Variants in RIT2 observed in about 807,000 individuals in gnomAD.
The protein encoded by RIT2 is Ras like without CAAX 2, also known as GTP-binding protein Rit2.
A neutral mutation model predicts 23.7 loss-of-function variants in RIT2; 24 were observed. That is an observed-to-expected ratio of 1.01 (90% CI 0.73 to 1.43). RIT2 has a LOEUF of 1.43. Among genes scored for constraint, RIT2 ranks in the 40% most tolerant of loss-of-function variants. RIT2 has a pLI of 0.00. For missense variants in RIT2, 236 were observed against 266.9 expected, an observed-to-expected ratio of 0.88 and a Z score of 0.81; for synonymous variants, 107 against 91.1, an observed-to-expected ratio of 1.17 and a Z score of -0.99.
At chr18:43,002,996 TA>T (rs1400180524) in intron 2 of RIT2, among the ~76,000 whole-genome samples, 4 of 151,796 alleles carry the variant, frequency 2.6e-5, no homozygotes, top group South Asian at 2.1e-4. Flanking sequence ...GCACTGAAGA[TA>T]GGGGGCAGGT....
At chr18:42,862,683 C>T (rs2144051487) in intron 4 of RIT2, among the ~76,000 whole-genome samples, 1 of 152,298 alleles carries the variant, frequency 6.6e-6, no homozygotes, top group South Asian at 2.1e-4. Context: ...ACATTTATTA[C>T]TAATGTATTT....
At chr18:42,792,182 ATTT>A (rs1188945791) in intron 4 of RIT2, among the ~76,000 whole-genome samples, 1 of 152,104 alleles carries the variant, frequency 6.6e-6, no homozygotes. Flanking sequence ...ATGTCTTGCA[ATTT>A]TTGTTTATTA....
intron 4 of RIT2, among the ~76,000 whole-genome samples, chr18:42,823,287 C>T (rs80215866): frequency 0.016 from 2,386 of 152,248 alleles, 72 homozygotes; most frequent in African/African-American, 0.055. Flanking sequence ...ATATTTCACA[C>T]ATTTGTTTCA....
At chr18:43,113,735 C>T (rs986954201) in intron 1 of RIT2, among the ~76,000 whole-genome samples, 2 of 152,154 alleles carry the variant, frequency 1.3e-5, no homozygotes, top group African/African-American at 2.4e-5. Context: ...AAATCAGTCA[C>T]TCTATCCCCA....
intron 4 of RIT2, among the ~76,000 whole-genome samples, chr18:42,806,105 A>G (rs1905676005): frequency 3.8e-5 from 1 of 26,586 alleles, no homozygotes. Flanking sequence ...AAATTAATAT[A>G]TATATATATA....
In RIT2 at chr18:43,020,592, C is replaced by T. The variant is rs117574994; in HGVS notation, c.160+13219G>A. Among the ~76,000 whole-genome samples the T allele has an allele frequency of 1.4e-3, 214 of 152,144 alleles. 1 individual carries two copies. The East Asian group carries it at 0.036, about 26-fold the overall frequency. ...AGCAAAACTGGAGGCATCACATTACCTGACTTCAACATATGTTGTAAGGCT... is the reference window on the plus strand; with the variant it reads ...AGCAAAACTGGAGGCATCACATTACTTGACTTCAACATATGTTGTAAGGCT... On this transcript the variant is annotated intron_variant, in intron 2 of 4. Coordinates refer to ENST00000326695, the MANE Select transcript of RIT2 (RefSeq NM_002930.4).
At chr18:42,956,398 C>A (rs1909971203) in intron 3 of RIT2, among the ~76,000 whole-genome samples, 1 of 152,094 alleles carries the variant, frequency 6.6e-6, no homozygotes, top group Non-Finnish European at 1.5e-5. Flanking sequence ...AATCTTTGAT[C>A]ACTTAGGCAT....
At chr18:42,952,696 ATAC>A (rs1397156841) in intron 3 of RIT2, among the ~76,000 whole-genome samples, 13 of 152,210 alleles carry the variant, frequency 8.5e-5, no homozygotes, top group East Asian at 5.8e-4. Flanking sequence ...AAAATAAATG[ATAC>A]TACAAGTAAA....
At chr18:42,774,747 G>A (rs1598648616) in intron 4 of RIT2, among the ~76,000 whole-genome samples, 1 of 151,398 alleles carries the variant, frequency 6.6e-6, no homozygotes, top group African/African-American at 2.4e-5. Flanking sequence ...ATATCTAAAT[G>A]TCTTTTATTC....
chr18:42,800,858 CTT>C (rs1905520373), intron 4 of RIT2, among the ~76,000 whole-genome samples: 1 of 152,094 alleles, frequency 6.6e-6, no homozygotes, highest in Non-Finnish European at 1.5e-5. Context: ...TCCAAACTCT[CTT>C]ATGTTTTCCC....
intron 4 of RIT2, among the ~76,000 whole-genome samples, chr18:42,907,608 C>T (rs1416833531): frequency 6.6e-6 from 1 of 151,952 alleles, no homozygotes; most frequent in Non-Finnish European, 1.5e-5. Context: ...TACCAAAAAC[C>T]AGAAAAAATC....
chr18:43,083,193 A>G (rs112906758), intron 1 of RIT2, among the ~76,000 whole-genome samples: 14,186 of 152,212 alleles, frequency 0.093, 1,053 homozygotes, highest in East Asian at 0.36. Context: ...GACTTCTTCA[A>G]GGAGAACTAC....
At chr18:42,832,621 G>C (rs1395094062) in intron 4 of RIT2, among the ~76,000 whole-genome samples, 2 of 152,178 alleles carry the variant, frequency 1.3e-5, no homozygotes, top group Non-Finnish European at 2.9e-5. Context: ...GACCAAATCA[G>C]AGTAGGATAT....
At chr18:42,926,648 A>C (rs972454768) in intron 3 of RIT2, among the ~76,000 whole-genome samples, 6 of 151,978 alleles carry the variant, frequency 3.9e-5, no homozygotes, top group Non-Finnish European at 8.8e-5. Context: ...AATAAATAAA[A>C]GTCCAACAGT....
intron 4 of RIT2, among the ~76,000 whole-genome samples, chr18:42,792,797 A>C (rs1914072699): frequency 6.6e-6 from 1 of 152,202 alleles, no homozygotes. Context: ...TGTAAAATAA[A>C]TACAAATGCA....
At chr18:43,029,886 T>C (rs1039944658) in intron 2 of RIT2, among the ~76,000 whole-genome samples, 1 of 152,008 alleles carries the variant, frequency 6.6e-6, no homozygotes, top group African/African-American at 2.4e-5. Flanking sequence ...TTAACAAACA[T>C]AGAGAATTTT....
At chr18:43,021,124 C>G (rs1358542363) in intron 2 of RIT2, among the ~76,000 whole-genome samples, 1 of 151,892 alleles carries the variant, frequency 6.6e-6, no homozygotes, top group Non-Finnish European at 1.5e-5. Context: ...CTGACAAGGC[C>G]TAATATCCAG....
At chr18:42,794,449 A>C (rs1026852160) in intron 4 of RIT2, among the ~76,000 whole-genome samples, 1 of 152,248 alleles carries the variant, frequency 6.6e-6, no homozygotes, top group Non-Finnish European at 1.5e-5. Context: ...TTGACTAATT[A>C]GTGAATCAGT....
At chr18:42,748,258 C>A (rs1912965973) in intron 4 of RIT2, among the ~76,000 whole-genome samples, 1 of 151,628 alleles carries the variant, frequency 6.6e-6, no homozygotes, top group Non-Finnish European at 1.5e-5. Context: ...ACAAACAATC[C>A]CATCAAAAAG....
Sources: gnomAD v4.1 joint callset for allele counts (sites outside exome capture counted in the v4.1 genomes callset) on GRCh38, gnomAD v4.1.1 for gene constraint, MANE v1.5 for transcripts, NCBI Gene and HGNC (gene_info 2026-07-23, HGNC 2026-07-21) for gene names.